RANBP3: variants seen among roughly 807,000 people sequenced by gnomAD.
RANBP3 encodes the protein ran-binding protein 3.
RANBP3 carries 14 observed loss-of-function variants against 77.3 expected under a neutral mutation model. The ratio of observed to expected loss-of-function variants is 0.18; its 90% CI spans 0.12 to 0.28. The LOEUF is 0.28. Among genes scored for constraint, RANBP3 ranks in the 10% least tolerant of loss-of-function variants. The pLI is 1.00. For missense variants in RANBP3, 586 were observed against 752.3 expected (o/e 0.78, Z 2.59); for synonymous variants, 315 against 312.4 (o/e 1.01, Z -0.09).
chr19:5,932,311 A>G, intron 7 of RANBP3, 141 bp downstream of exon 7: 1 of 698,756 alleles, frequency 1.4e-6, no homozygotes, highest in Non-Finnish European at 2.4e-6. Flanking sequence ...GGGGTGATTT[A>G]AAGGATCATC....
chr19:5,949,785 A>G (rs2058252165), intron 3 of RANBP3, among the ~76,000 whole-genome samples: 1 of 152,170 alleles, frequency 6.6e-6, no homozygotes, highest in Non-Finnish European at 1.5e-5. Context: ...AGAGATGAAC[A>G]TGTGGACGAG....
intron 5 of RANBP3, among the ~76,000 whole-genome samples, chr19:5,935,455 G>C (rs1172250568): frequency 1.3e-5 from 2 of 152,268 alleles, no homozygotes; most frequent in Non-Finnish European, 2.9e-5. Flanking sequence ...GAGCTATGCA[G>C]AAGACGACTG....
intron 14 of RANBP3, among the ~76,000 whole-genome samples, chr19:5,919,270 G>A (rs2057786596): frequency 6.6e-6 from 1 of 152,306 alleles, no homozygotes; most frequent in East Asian, 1.9e-4. Context: ...ACACCCCTGC[G>A]CCTGGCCTGG....
At chr19:5,974,732 G>A (rs1372180100) in intron 1 of RANBP3, among the ~76,000 whole-genome samples, 1 of 152,098 alleles carries the variant, frequency 6.6e-6, no homozygotes. Flanking sequence ...TCTCAACCCT[G>A]CCTGCACATG....
At chr19:5,971,505 T>A (rs1469388356) in intron 1 of RANBP3, among the ~76,000 whole-genome samples, 1 of 152,200 alleles carries the variant, frequency 6.6e-6, no homozygotes, top group East Asian at 1.9e-4. Flanking sequence ...TGTTGGCATA[T>A]CACACATCCA....
intron 5 of RANBP3, chr19:5,933,726 G>A (rs1272757625): frequency 2.3e-6 from 1 of 438,600 alleles, no homozygotes; most frequent in Non-Finnish European, 4.1e-6. Flanking sequence ...ATGGGGGCAG[G>A]TGGGGCGTCA....
At chr19:5,948,130 C>A (rs2058230673) in intron 3 of RANBP3, among the ~76,000 whole-genome samples, 1 of 152,152 alleles carries the variant, frequency 6.6e-6, no homozygotes, top group Admixed American at 6.5e-5. Context: ...CTAGGAAAGG[C>A]CAGAAAGCAA....
rs368107503 is a variant in RANBP3, at chr19:5,941,602, G to T, written c.406+19C>A. On this transcript the variant is annotated intron_variant, in intron 5 of 16. Transcript: ENST00000340578. ...TAAGCATAAACGCTTTCACCATTCC[G>T]TAAGTTTGCATATTTTACCTGACTG... 2.7e-4 allele frequency: 428 copies of T among 1,596,242 alleles called. No individual in the cohort carries two copies. The highest frequency in any genetic ancestry group is 3.6e-4 in the Non-Finnish European group (421 of 1,165,992).
At chr19:5,941,919 C>G in intron 3 of RANBP3, 84 bp from the exon 4 acceptor site, 1 of 1,479,442 alleles carries the variant, frequency 6.8e-7, no homozygotes, top group Non-Finnish European at 9.4e-7. Flanking sequence ...ACAAATATCC[C>G]AACATGCACC....
intron 2 of RANBP3, among the ~76,000 whole-genome samples, chr19:5,957,500 C>G (rs1483824300): frequency 2.0e-5 from 3 of 152,022 alleles, no homozygotes; most frequent in Non-Finnish European, 4.4e-5. Flanking sequence ...GGTCTTGTTT[C>G]CCCTGTAACC....
chr19:5,941,492 C>T, intron 5 of RANBP3, 129 bp downstream of exon 5: 2 of 810,986 alleles, frequency 2.5e-6, no homozygotes, highest in Non-Finnish European at 4.0e-6. Context: ...CTGACAGAGC[C>T]CGAGCCTCAG....
At chr19:5,927,487 G>C (rs879859417) in intron 9 of RANBP3, among the ~76,000 whole-genome samples, 3 of 152,242 alleles carry the variant, frequency 2.0e-5, no homozygotes, top group African/African-American at 7.2e-5. Flanking sequence ...GCATTGGGTG[G>C]GTGGAGGCCA....
chr19:5,929,757 G>A (rs1242645232), intron 8 of RANBP3, among the ~76,000 whole-genome samples: 1 of 152,220 alleles, frequency 6.6e-6, no homozygotes, highest in Non-Finnish European at 1.5e-5. Context: ...TCGGACTCCT[G>A]CTGTAGGGCC....
Position 5,958,089 on chromosome 19 carries a change from G to T in RANBP3, c.23-116C>A. The T allele has an allele frequency of 1.1e-6, 1 of 939,704 alleles. No homozygotes were observed. The highest frequency in any genetic ancestry group is 1.5e-5 in the South Asian group (1 of 66,856). 58.2% of individuals were successfully genotyped at this position (939,704 alleles called of 1,614,324 possible). On this transcript the variant is annotated intron_variant, in intron 1 of 16. Transcript: ENST00000340578. This position sits in a 1 kb window ranked among gnomAD's most constrained non-coding sequence, Gnocchi z 4.4. ...TATAAATGAAACTAGTAACTCCAGA[G>T]AACATCAAATCACTTAGAACAGCGT... is the stretch of plus-strand genomic sequence containing the variant.
intron 1 of RANBP3, chr19:5,965,745 T>C (rs2058460158): frequency 6.6e-6 from 1 of 152,238 alleles, no homozygotes; most frequent in Admixed American, 6.5e-5. Flanking sequence ...CTTAGACTTA[T>C]CTTAGTTTCT....
At chr19:5,973,176 A>G (rs1441059049) in intron 1 of RANBP3, among the ~76,000 whole-genome samples, 3 of 152,220 alleles carry the variant, frequency 2.0e-5, no homozygotes, top group Non-Finnish European at 4.4e-5. Flanking sequence ...AAACTTTCCA[A>G]AAGTTGTTTA....
chr19:5,937,802 G>C (rs1157577231), intron 5 of RANBP3, among the ~76,000 whole-genome samples: 2 of 152,330 alleles, frequency 1.3e-5, no homozygotes, highest in Non-Finnish European at 2.9e-5. Flanking sequence ...TCTGTGGGGA[G>C]AGAGACAGGA....
chr19:5,968,654 C>G (rs932955294), intron 1 of RANBP3, among the ~76,000 whole-genome samples: 3 of 152,234 alleles, frequency 2.0e-5, no homozygotes, highest in Admixed American at 2.0e-4. Context: ...GCTGCCTGGA[C>G]GCCTGGGACA....
intron 1 of RANBP3, among the ~76,000 whole-genome samples, chr19:5,968,460 G>C (rs2058493840): frequency 6.6e-6 from 1 of 152,260 alleles, no homozygotes; most frequent in South Asian, 2.1e-4. Flanking sequence ...GTTTGGGGAA[G>C]TGGTTGGCAC....
Sources: gnomAD v4.1 joint callset for allele counts (sites outside exome capture counted in the v4.1 genomes callset) on GRCh38, gnomAD v4.1.1 for gene constraint, Gnocchi (gnomAD v3.1) non-coding constraint, MANE v1.5 for transcripts, NCBI Gene and HGNC (gene_info 2026-07-23, HGNC 2026-07-21) for gene names.